Variants in ABAT observed in about 807,000 individuals in gnomAD.
ABAT encodes 4-aminobutyrate aminotransferase.
A neutral mutation model predicts 64.6 loss-of-function variants in ABAT; 45 were observed. That is an observed-to-expected ratio of 0.70 (90% CI 0.55 to 0.89). The LOEUF (loss-of-function observed/expected upper bound fraction) is 0.89, where lower values mean the gene tolerates loss of function less well. Ranked by LOEUF, ABAT falls within the 40% of genes least tolerant of loss-of-function variation. The pLI is 0.00. For missense variants in ABAT, 633 were observed against 658.4 expected (o/e 0.96, Z 0.42); for synonymous variants, 297 against 250.5 (o/e 1.19, Z -1.75).
intron 5 of ABAT, among the ~76,000 whole-genome samples, chr16:8,755,563 T>C (rs531163491): frequency 6.6e-6 from 1 of 152,306 alleles, no homozygotes; most frequent in Admixed American, 6.5e-5. Context: ...CTCCCAGTAC[T>C]GACTGGGAGA....
intron 1 of ABAT, among the ~76,000 whole-genome samples, chr16:8,733,048 G>A (rs1399923897): frequency 1.3e-4 from 18 of 143,866 alleles, no homozygotes; most frequent in African/African-American, 3.4e-4. Flanking sequence ...CCTCCCTCCC[G>A]GATGGGGCGG....
At chr16:8,685,515 C>CA (rs112185375) in intron 1 of ABAT, among the ~76,000 whole-genome samples, 13,977 of 144,734 alleles carry the variant, frequency 0.097, 717 homozygotes, top group Middle Eastern at 0.15. Context: ...GCTAAAAATA[C>CA]AAAAAAAAAA....
At chr16:8,759,429 C>T (rs1169244786) in intron 6 of ABAT, among the ~76,000 whole-genome samples, 1 of 151,838 alleles carries the variant, frequency 6.6e-6, no homozygotes, top group Non-Finnish European at 1.5e-5. Flanking sequence ...AGAACATGCC[C>T]CCACCCAGTT....
chr16:8,766,752 C>T (rs903740077), intron 9 of ABAT, among the ~76,000 whole-genome samples: 3 of 152,068 alleles, frequency 2.0e-5, no homozygotes, highest in Non-Finnish European at 4.4e-5. Flanking sequence ...GTGGATCTCC[C>T]GAGGTCAGGA....
chr16:8,722,111 C>T (rs1033192603), intron 1 of ABAT, among the ~76,000 whole-genome samples: 1 of 152,232 alleles, frequency 6.6e-6, no homozygotes. Flanking sequence ...GTGATGCCAG[C>T]CTGCCTTTAA....
intron 3 of ABAT, 75 bp downstream of exon 3, chr16:8,746,173 CT>C: frequency 9.4e-7 from 1 of 1,059,178 alleles, no homozygotes; most frequent in Non-Finnish European, 1.4e-6. Context: ...CACAGCCAAG[CT>C]TAGGGACCTG....
rs377342959 is a variant in ABAT, at chr16:8,738,016, G to GAAA, written c.70+2207_70+2208insAAA. Among the ~76,000 whole-genome samples the GAAA allele has an allele frequency of 2.9e-3, 166 of 57,688 alleles. 3 individuals carry two copies. The highest frequency in any genetic ancestry group is 4.4e-3 in the Admixed American group (23 of 5,208). 37.8% of individuals were successfully genotyped at this position (57,688 alleles called of 152,430 possible). A position where few individuals can be genotyped will look rare whatever the true frequency, so the allele number is the denominator to read the frequency against. ...GGAAAGAAAGAAAGAAAGAAAGAAA[G>GAAA]GAAAGAAAGAAAGAAGGACAGACAG... On this transcript the variant is annotated intron_variant, in intron 2 of 15. Transcript: ENST00000268251.
chr16:8,719,516 C>A (rs2058305207), intron 1 of ABAT, among the ~76,000 whole-genome samples: 1 of 152,114 alleles, frequency 6.6e-6, no homozygotes, highest in South Asian at 2.1e-4. Context: ...GTTCGTTCTC[C>A]CTGGATTCCT....
chr16:8,760,768 C>A (rs1240301647), intron 6 of ABAT, among the ~76,000 whole-genome samples: 1 of 152,204 alleles, frequency 6.6e-6, no homozygotes, highest in African/African-American at 2.4e-5. Context: ...CTCAACAACA[C>A]ACGACGTCAA....
rs180708470 is a variant in ABAT at position 8,777,576 on chromosome 16, G to T, written c.1269+1086G>T. On this transcript the variant is annotated intron_variant, in intron 14 of 15. Coordinates refer to ENST00000268251, the MANE Select transcript of ABAT (RefSeq NM_020686.6). Reference sequence around the variant, plus strand: ...CACTCCTAACCGTAAGGACGTGTGGGGATGTGTGTGTGTGAGTGTGGCAGG... The same window carrying T: ...CACTCCTAACCGTAAGGACGTGTGGTGATGTGTGTGTGTGAGTGTGGCAGG... Among the ~76,000 whole-genome samples the T allele has an allele frequency of 9.3e-3, 1,413 of 152,244 alleles. 9 individuals are homozygous for T. The highest frequency in any genetic ancestry group is 0.032 in the African/African-American group (1,347 of 41,540).
chr16:8,725,379 C>T (rs1244343600), intron 1 of ABAT, among the ~76,000 whole-genome samples: 1 of 152,154 alleles, frequency 6.6e-6, no homozygotes, highest in African/African-American at 2.4e-5. Context: ...TCTCTCATTC[C>T]TCCCAGGCCC....
chr16:8,767,160 A>G (rs925150758), intron 9 of ABAT, among the ~76,000 whole-genome samples: 5 of 152,192 alleles, frequency 3.3e-5, no homozygotes, highest in African/African-American at 1.2e-4. Flanking sequence ...AATCAGCTGG[A>G]AACATGTTTG....
intron 1 of ABAT, among the ~76,000 whole-genome samples, chr16:8,678,746 G>A (rs1444482886): frequency 2.0e-5 from 3 of 152,222 alleles, no homozygotes; most frequent in Non-Finnish European, 4.4e-5. Context: ...TACAGTATAT[G>A]CATTCATGTG....
chr16:8,679,414 C>T (rs180752977), intron 1 of ABAT, among the ~76,000 whole-genome samples: 1 of 152,140 alleles, frequency 6.6e-6, no homozygotes, highest in Non-Finnish European at 1.5e-5. Flanking sequence ...ACTGACCTCA[C>T]CTGAATCAGG....
intron 5 of ABAT, among the ~76,000 whole-genome samples, chr16:8,755,246 G>A (rs2059617361): frequency 6.6e-6 from 1 of 152,138 alleles, no homozygotes; most frequent in Non-Finnish European, 1.5e-5. Context: ...CCTCCCTCTG[G>A]TCTTCTCGAC....
intron 5 of ABAT, among the ~76,000 whole-genome samples, chr16:8,756,615 G>A (rs960166742): frequency 2.5e-4 from 38 of 152,132 alleles, no homozygotes; most frequent in Non-Finnish European, 5.1e-4. Context: ...TACTCAGTGC[G>A]TGCGTAAGCA....
intron 1 of ABAT, among the ~76,000 whole-genome samples, chr16:8,727,904 A>G (rs918779268): frequency 1.3e-5 from 2 of 152,160 alleles, no homozygotes; most frequent in Admixed American, 6.6e-5. Context: ...CCTCATCTCT[A>G]CTAAAAATTT....
intron 6 of ABAT, among the ~76,000 whole-genome samples, chr16:8,761,074 T>A (rs1280188615): frequency 1.7e-5 from 1 of 58,466 alleles, no homozygotes; most frequent in African/African-American, 4.4e-5. Flanking sequence ...AGACCTTGCC[T>A]CTGAAACAAA....
rs1005549227 is a variant in ABAT, at chr16:8,691,102, G to A, written c.-42+16391G>A. Among the ~76,000 whole-genome samples the A allele has an allele frequency of 1.5e-4, 22 of 151,500 alleles. No homozygotes were observed. In the East Asian group the frequency reaches 2.5e-3, roughly 17 times the overall value. ...CAGATTTCAGTTAAGCTCTCCCTTCGTCAAACCACACTTGCCCATATTGGC... is the reference window on the plus strand; with the variant it reads ...CAGATTTCAGTTAAGCTCTCCCTTCATCAAACCACACTTGCCCATATTGGC... On this transcript the variant is annotated intron_variant, in intron 1 of 15. Transcript: ENST00000268251.
Sources: allele counts gnomAD v4.1 joint callset (sites outside exome capture counted in the v4.1 genomes callset), GRCh38; gene constraint gnomAD v4.1.1; transcripts MANE v1.5; gene names NCBI Gene and HGNC (gene_info 2026-07-23, HGNC 2026-07-21).